INSL6: variants seen among roughly 807,000 people sequenced by gnomAD.
INSL6 encodes insulin like 6.
Under a neutral mutation model 9.4 loss-of-function variants are expected in INSL6, and 16 were observed. That is an observed-to-expected ratio of 1.70 (90% CI 1.15 to 2.59). INSL6 has a LOEUF of 2.59. Ranked by LOEUF, INSL6 falls within the 30% of genes most tolerant of loss-of-function variation. The probability of loss-of-function intolerance (pLI) is 0.00; values close to 1 mark genes in which losing one functional copy is unlikely to be tolerated. For missense variants in INSL6, 391 were observed against 257.3 expected (o/e 1.52, Z -3.56); for synonymous variants, 154 against 96.9 (o/e 1.59, Z -3.46).
At chr9:5,085,258 T>G in the INSL6 span, 2 of 681,912 alleles carry the variant, frequency 2.9e-6, no homozygotes, top group Non-Finnish European at 5.6e-6. Flanking sequence ...TAACCTGAGA[T>G]TCACATCAGC....
chr9:5,075,255 C>T, the INSL6 span, among the ~76,000 whole-genome samples: 32,860 of 151,956 alleles, frequency 0.22, 3,703 homozygotes, highest in Middle Eastern at 0.26. Context: ...GAAGATCTAG[C>T]AAGGACCATT....
chr9:5,044,237 G>C, the INSL6 span, among the ~76,000 whole-genome samples: 1 of 152,144 alleles, frequency 6.6e-6, no homozygotes, highest in Non-Finnish European at 1.5e-5. Context: ...GCCTATATTA[G>C]TGTTATCCAC....
chr9:5,179,657 T>C (rs1172754121), intron 1 of INSL6, among the ~76,000 whole-genome samples: 5 of 152,202 alleles, frequency 3.3e-5, no homozygotes, highest in Non-Finnish European at 5.9e-5. Context: ...TGGAATACTA[T>C]GCAGCTATAA....
At chr9:5,106,922 C>A in the INSL6 span, among the ~76,000 whole-genome samples, 1 of 152,064 alleles carries the variant, frequency 6.6e-6, no homozygotes, top group Middle Eastern at 3.2e-3. Flanking sequence ...AGGAGAAATA[C>A]CTAATGTAAA....
At chr9:5,080,892 CTT>C in the INSL6 span, among the ~76,000 whole-genome samples, 302 of 95,586 alleles carry the variant, frequency 3.2e-3, 2 homozygotes, top group African/African-American at 0.013. Context: ...AAGACCTTTT[CTT>C]TTTTTTTTTT....
At chr9:5,007,874 C>A in the INSL6 span, among the ~76,000 whole-genome samples, 1 of 151,866 alleles carries the variant, frequency 6.6e-6, no homozygotes, top group Non-Finnish European at 1.5e-5. Context: ...ATTACAGGCA[C>A]GTGCCACCAC....
At chr9:5,077,616 T>A in the INSL6 span, 1 of 1,334,742 alleles carries the variant, frequency 7.5e-7, no homozygotes, top group South Asian at 1.7e-5. Context: ...AAGATACTAT[T>A]TTATTTTATA....
At chr9:5,144,648 A>G (rs1033598075) in intron 2 of INSL6, among the ~76,000 whole-genome samples, 2 of 152,022 alleles carry the variant, frequency 1.3e-5, no homozygotes, top group East Asian at 3.9e-4. Context: ...TTGCTTTATG[A>G]GGGTGTTCCT....
chr9:4,992,688 A>G, the INSL6 span, among the ~76,000 whole-genome samples: 1 of 152,198 alleles, frequency 6.6e-6, no homozygotes, highest in Admixed American at 6.5e-5. Context: ...GGTTAATTGG[A>G]TATGGTTCTT....
chr9:5,028,276 A>G, the INSL6 span, among the ~76,000 whole-genome samples: 5 of 152,212 alleles, frequency 3.3e-5, no homozygotes, highest in African/African-American at 9.6e-5. Flanking sequence ...TGCATTGTCA[A>G]TGAGTAATAA....
downstream of INSL6, among the ~76,000 whole-genome samples, chr9:5,159,714 C>T (rs776309057): frequency 6.6e-6 from 1 of 152,250 alleles, no homozygotes; most frequent in African/African-American, 2.4e-5. Flanking sequence ...CTTCAACACC[C>T]TGCTTTCAGC....
the INSL6 span, chr9:5,029,680 G>T: frequency 9.5e-7 from 1 of 1,047,556 alleles, no homozygotes; most frequent in Non-Finnish European, 1.4e-6. Flanking sequence ...ATTTTGTTCC[G>T]ATTTTAAGAG....
chr9:5,101,963 C>G, the INSL6 span, among the ~76,000 whole-genome samples: 1 of 152,266 alleles, frequency 6.6e-6, no homozygotes, highest in East Asian at 1.9e-4. Flanking sequence ...AGCAGAAAAG[C>G]TGAAAATTCT....
intron 2 of INSL6, among the ~76,000 whole-genome samples, chr9:5,144,329 T>A: frequency 6.6e-6 from 1 of 152,330 alleles, no homozygotes; most frequent in Non-Finnish European, 1.5e-5. Context: ...AATTTCTTAG[T>A]AGTGATTTCG....
the INSL6 span, among the ~76,000 whole-genome samples, chr9:5,064,607 A>G: frequency 6.6e-6 from 1 of 152,212 alleles, no homozygotes; most frequent in Non-Finnish European, 1.5e-5. Flanking sequence ...TTTCTAGCTG[A>G]GATAACTGGT....
At chr9:5,154,544 G>C (rs888815859) in intron 2 of INSL6, among the ~76,000 whole-genome samples, 1 of 152,122 alleles carries the variant, frequency 6.6e-6, no homozygotes, top group African/African-American at 2.4e-5. Flanking sequence ...GCAACCTATA[G>C]AATGGGAGAA....
chr9:5,037,580 C>A, the INSL6 span, among the ~76,000 whole-genome samples: 1 of 152,118 alleles, frequency 6.6e-6, no homozygotes, highest in Non-Finnish European at 1.5e-5. Context: ...AGCTGGAAAC[C>A]ATCATTCTCA....
chr9:5,167,377 C>T (rs975812768), intron 1 of INSL6, among the ~76,000 whole-genome samples: 2 of 152,190 alleles, frequency 1.3e-5, no homozygotes, highest in Non-Finnish European at 2.9e-5. Flanking sequence ...CCACGAGTTC[C>T]TGGGGGGAAG....
At chr9:5,074,130 T>C in the INSL6 span, among the ~76,000 whole-genome samples, 8 of 152,176 alleles carry the variant, frequency 5.3e-5, no homozygotes, top group African/African-American at 1.9e-4. Flanking sequence ...TCTGGAATTA[T>C]GAAGACAAAG....
Sources: allele counts gnomAD v4.1 joint callset (sites outside exome capture counted in the v4.1 genomes callset), GRCh38; gene constraint gnomAD v4.1.1; transcripts MANE v1.5; gene names NCBI Gene and HGNC (gene_info 2026-07-23, HGNC 2026-07-21).